The following GAS2L3 variants were observed in gnomAD, a reference collection of about 807,000 sequenced individuals.
GAS2L3 encodes the protein growth arrest specific 2 like 3, also known as GAS2-like protein 3.
GAS2L3 carries 28 observed loss-of-function variants against 37.0 expected under a neutral mutation model. The observed-to-expected ratio is 0.76, with a 90% confidence interval of 0.56 to 1.04. The LOEUF is 1.04. Ranked by LOEUF, GAS2L3 falls within the 50% of genes least tolerant of loss-of-function variation. The pLI is 0.00. For synonymous variants in GAS2L3, 290 were observed against 296.6 expected, an observed-to-expected ratio of 0.98 and a Z score of 0.23; for missense variants, 793 against 817.6, an observed-to-expected ratio of 0.97 and a Z score of 0.37.
rs1018921317 is a variant in GAS2L3, at chr12:100,625,848, A to G, written c.*958A>G. 4.6e-5 allele frequency: 7 copies of G among 152,336 alleles called. No individual in the cohort carries two copies. In the East Asian group the frequency reaches 1.2e-3, roughly 25 times the overall value. 9.4% of individuals were successfully genotyped at this position (152,336 alleles called of 1,614,324 possible). A position where few individuals can be genotyped will look rare whatever the true frequency, so the allele number is the denominator to read the frequency against. On this transcript the variant is annotated 3_prime_UTR_variant, in exon 10 of 10. Transcript: ENST00000547754. ...TAGAGTTATGCTATGTAAAAATTCTATCATGAAATTATTTTTCTCTAGATA... is the reference window on the plus strand; with the variant it reads ...TAGAGTTATGCTATGTAAAAATTCTGTCATGAAATTATTTTTCTCTAGATA...
rs113781692 is a variant in GAS2L3 at position 100,598,953 on chromosome 12, T to C, written c.19-1429T>C. Reference sequence around the variant, plus strand: ...TTGTTGCTGCCACTCACACCCTGGGTAGATGCTCAGCTCACTTGGACTCTG... The same window carrying C: ...TTGTTGCTGCCACTCACACCCTGGGCAGATGCTCAGCTCACTTGGACTCTG... On this transcript the variant is annotated intron_variant, in intron 3 of 9. Transcript: ENST00000547754. 5.0e-3 allele frequency among the ~76,000 whole-genome samples: 758 copies of C among 152,310 alleles called. 4 individuals carry two copies. Among genetic ancestry groups the C allele is most frequent in the Middle Eastern group, 0.01 (3 of 294 alleles).
At chr12:100,589,544 A>G (rs10860606) in intron 1 of GAS2L3, among the ~76,000 whole-genome samples, 24,707 of 152,130 alleles carry the variant, frequency 0.16, 2,882 homozygotes, top group East Asian at 0.48. Context: ...AAATACCACC[A>G]TCATTCTTCA....
chr12:100,618,524 T>TG lies in GAS2L3; in HGVS notation c.588dup (p.Pro197AlafsTer2). ...TAGAAGAGACTTTGCTTAATACTTC[T>TG]GGGCCTGAAGATTCCATCAGCATTC... On this transcript the variant is annotated frameshift_variant, in exon 8 of 10. Coordinates refer to ENST00000547754, the MANE Select transcript of GAS2L3 (RefSeq NM_174942.3). LOFTEE classifies it high-confidence loss of function. 1 of 1,613,162 alleles carries TG rather than the reference T, an allele frequency of 6.2e-7. No homozygotes were observed. Among genetic ancestry groups the TG allele is most frequent in the Non-Finnish European group, 8.5e-7 (1 of 1,179,516 alleles).
At chr12:100,577,793 C>T (rs2195238) in intron 1 of GAS2L3, among the ~76,000 whole-genome samples, 24,670 of 152,160 alleles carry the variant, frequency 0.16, 2,877 homozygotes, top group East Asian at 0.48. Context: ...GGAATAGAAT[C>T]TAGACAGGTA....
At position 100,623,429 on chromosome 12, in the gene GAS2L3, A is replaced by G. The variant is rs1038288012; in HGVS notation, c.757-133A>G. 6.1e-5 allele frequency: 40 copies of G among 652,070 alleles called. No individual in the cohort carries two copies. In the East Asian group the frequency reaches 9.1e-4, roughly 15 times the overall value. The allele number at this position is 652,070 out of a possible 1,614,324, so 40.4% of individuals were successfully genotyped here. A position where few individuals can be genotyped will look rare whatever the true frequency, so the allele number is the denominator to read the frequency against. On this transcript the variant is annotated intron_variant, in intron 9 of 9. Coordinates refer to ENST00000547754, the MANE Select transcript of GAS2L3 (RefSeq NM_174942.3). ...TAATAATACAAGAAACAAACTGTCAATTTGTAGTGAGGCTGTTGGCAAATG... is the reference window on the plus strand; with the variant it reads ...TAATAATACAAGAAACAAACTGTCAGTTTGTAGTGAGGCTGTTGGCAAATG...
In GAS2L3 at chr12:100,624,383, C is replaced by T. The variant is rs1045603; in HGVS notation, c.1578C>T (p.Ser526=). The T allele has an allele frequency of 0.1, 164,505 of 1,613,646 alleles. 8,869 individuals carry two copies. The highest frequency in any genetic ancestry group is 0.15 in the Admixed American group (8,889 of 59,954). The change falls in exon 10 of 10, where the codon TCC becomes TCT. Residue 526 remains serine (S), a synonymous_variant. Coordinates refer to ENST00000547754, the MANE Select transcript of GAS2L3 (RefSeq NM_174942.3). ...QSSAKMTKTS[S]KTIATGLGTQ... ...CTGCAAAAATGACAAAAACCAGTTC[C>T]AAAACCATAGCCACGGGTCTAGGAA...
At chr12:100,583,792 C>T (rs1381590760) in intron 1 of GAS2L3, among the ~76,000 whole-genome samples, 1 of 152,036 alleles carries the variant, frequency 6.6e-6, no homozygotes, top group Non-Finnish European at 1.5e-5. Flanking sequence ...CTAGTAATTC[C>T]TCTGGTATAT....
intron 4 of GAS2L3, among the ~76,000 whole-genome samples, 163 bp from the exon 5 acceptor site, chr12:100,601,475 T>C (rs1193357919): frequency 1.3e-5 from 2 of 152,132 alleles, no homozygotes; most frequent in African/African-American, 4.8e-5. Context: ...TTAAGTTAAC[T>C]GGCCATTATT....
rs982420704 is a variant in GAS2L3, at chr12:100,592,835, G to A, written c.-31+979G>A. Among the ~76,000 whole-genome samples, 26 of 152,114 alleles carry A rather than the reference G, an allele frequency of 1.7e-4. 1 individual carries two copies. The highest frequency in any genetic ancestry group is 1.3e-3 in the Admixed American group (20 of 15,262). On this transcript the variant is annotated intron_variant, in intron 2 of 9. Transcript: ENST00000547754. ...TAAGGGAAAAGACTTCCTCAAGTTG[G>A]CAAAGAATTGAAATAGGCTTCTTCA... is the stretch of plus-strand genomic sequence containing the variant.
chr12:100,602,582 A>C (rs975822223), intron 5 of GAS2L3, among the ~76,000 whole-genome samples: 1 of 152,066 alleles, frequency 6.6e-6, no homozygotes, highest in Non-Finnish European at 1.5e-5. Flanking sequence ...AATAAGTAAT[A>C]ATCACATCAT....
chr12:100,613,118 A>G (rs1180058151), intron 6 of GAS2L3, among the ~76,000 whole-genome samples: 1 of 152,196 alleles, frequency 6.6e-6, no homozygotes, highest in Non-Finnish European at 1.5e-5. Flanking sequence ...GTAATGGCAC[A>G]TCTACTTTCT....
rs1382607473 is a variant in GAS2L3 at position 100,624,095 on chromosome 12, G to A, written c.1290G>A (p.Glu430=). ...CAAGAACTGCACCTTGTATATCTGAGTCACCGAGAAAATGTATTTCATCCC... is the reference window on the plus strand; with the variant it reads ...CAAGAACTGCACCTTGTATATCTGAATCACCGAGAAAATGTATTTCATCCC... ...ALPRTAPCIS[E]SPRKCISSPN... Residue 430 remains glutamate, a synonymous_variant, in exon 10 of 10, where the codon GAG becomes GAA. Transcript: ENST00000547754. The A allele has an allele frequency of 6.2e-7, 1 of 1,613,730 alleles. No homozygotes were observed. Among genetic ancestry groups the A allele is most frequent in the South Asian group, 1.1e-5 (1 of 91,036 alleles).
rs768185694 is a variant in GAS2L3 at position 100,624,812 on chromosome 12, T to TA, written c.2013dup (p.Pro672ThrfsTer9). On this transcript the variant is annotated frameshift_variant, in exon 10 of 10. Transcript: ENST00000547754. LOFTEE classifies it high-confidence loss of function. ...CTGTTAAGGATGCAGATAGTGGAGA[T>TA]AAAAAACCTACTGCAAAGAAAAAGG... The TA allele has an allele frequency of 3.1e-6, 5 of 1,613,438 alleles. No homozygotes were observed. Among genetic ancestry groups the TA allele is most frequent in the Non-Finnish European group, 4.2e-6 (5 of 1,179,770 alleles).
At chr12:100,577,615 G>C (rs1401932145) in intron 1 of GAS2L3, among the ~76,000 whole-genome samples, 3 of 152,262 alleles carry the variant, frequency 2.0e-5, no homozygotes, top group Non-Finnish European at 4.4e-5. Flanking sequence ...GCATTTAGGA[G>C]TAATTCTAGT....
At chr12:100,581,914 C>T (rs1010077302) in intron 1 of GAS2L3, among the ~76,000 whole-genome samples, 2 of 152,124 alleles carry the variant, frequency 1.3e-5, no homozygotes, top group African/African-American at 4.8e-5. Context: ...AGTTAGTTGC[C>T]TTTGCATGTA....
At chr12:100,583,938 C>G (rs538338247) in intron 1 of GAS2L3, among the ~76,000 whole-genome samples, 1 of 152,162 alleles carries the variant, frequency 6.6e-6, no homozygotes, top group Admixed American at 6.5e-5. Context: ...TAAATGATAT[C>G]AAAAAAGGTC....
chr12:100,593,956 G>A (rs1164904263), intron 2 of GAS2L3: 1 of 151,998 alleles, frequency 6.6e-6, no homozygotes, highest in Non-Finnish European at 1.5e-5. Context: ...TAGAAGAAAT[G>A]TTCCTGAAAG....
chr12:100,619,774 G>A (rs1956231630), intron 8 of GAS2L3, among the ~76,000 whole-genome samples: 1 of 151,956 alleles, frequency 6.6e-6, no homozygotes, highest in Non-Finnish European at 1.5e-5. Flanking sequence ...TTTTTATCAA[G>A]TGGAAAATAC....
At chr12:100,588,097 G>C (rs1192254415) in intron 1 of GAS2L3, among the ~76,000 whole-genome samples, 1 of 152,100 alleles carries the variant, frequency 6.6e-6, no homozygotes, top group African/African-American at 2.4e-5. Context: ...AATCGGTAAA[G>C]AGGAAGTCTA....
Sources: allele counts gnomAD v4.1 joint callset (sites outside exome capture counted in the v4.1 genomes callset), GRCh38; gene constraint gnomAD v4.1.1; transcripts MANE v1.5; gene names NCBI Gene and HGNC (gene_info 2026-07-23, HGNC 2026-07-21).